SLC22A24: variants seen among roughly 807,000 people sequenced by gnomAD.
The protein encoded by SLC22A24 is solute carrier family 22 member 24.
In SLC22A24, 53 loss-of-function variants were observed where a neutral mutation model predicts 49.8. That is an observed-to-expected ratio of 1.06 (90% CI 0.85 to 1.34). The LOEUF is 1.34. Among genes scored for constraint, SLC22A24 ranks in the 40% most tolerant of loss-of-function variants. SLC22A24 has a pLI of 0.00. For missense variants in SLC22A24, 786 were observed against 675.9 expected, an observed-to-expected ratio of 1.16 and a Z score of -1.81; for synonymous variants, 302 against 256.4, an observed-to-expected ratio of 1.18 and a Z score of -1.70.
At chr11:63,140,055 G>A (rs1194561327) in intron 1 of SLC22A24, among the ~76,000 whole-genome samples, 2 of 149,314 alleles carry the variant, frequency 1.3e-5, no homozygotes, top group Non-Finnish European at 1.5e-5. Flanking sequence ...TGGAAATAGA[G>A]ACAGTTTTTT....
intron 5 of SLC22A24, among the ~76,000 whole-genome samples, chr11:63,096,913 T>C (rs7120661): frequency 0.76 from 115,709 of 152,084 alleles, 44,784 homozygotes; most frequent in East Asian, 0.9. Context: ...GAATTTAGCG[T>C]TTCTTTCATA....
intron 2 of SLC22A24, among the ~76,000 whole-genome samples, chr11:63,123,771 C>G (rs1050376488): frequency 6.6e-6 from 1 of 152,168 alleles, no homozygotes; most frequent in Non-Finnish European, 1.5e-5. Flanking sequence ...CTCTTATTGT[C>G]TCTACCTCTA....
chr11:63,142,446 C>T (rs1307039424), intron 1 of SLC22A24, among the ~76,000 whole-genome samples: 5 of 152,180 alleles, frequency 3.3e-5, no homozygotes, highest in Admixed American at 1.3e-4. Context: ...CTTGTGCATT[C>T]CTGGGCATAG....
chr11:63,111,926 T>C (rs1404586760), intron 4 of SLC22A24, among the ~76,000 whole-genome samples: 2 of 151,976 alleles, frequency 1.3e-5, no homozygotes, highest in African/African-American at 4.8e-5. Flanking sequence ...TTTCTAGTTC[T>C]TTTAATTGTG....
chr11:63,120,561 T>C (rs1344180613), intron 2 of SLC22A24, among the ~76,000 whole-genome samples: 1 of 151,664 alleles, frequency 6.6e-6, no homozygotes, highest in Non-Finnish European at 1.5e-5. Context: ...AGGCAGAGAA[T>C]GAGAAACAAA....
intron 2 of SLC22A24, among the ~76,000 whole-genome samples, chr11:63,120,458 A>C (rs1418894279): frequency 6.6e-6 from 1 of 152,074 alleles, no homozygotes; most frequent in African/African-American, 2.4e-5. Context: ...TATAATAAAA[A>C]ATAAATAAAA....
chr11:63,136,049 G>T (rs2087371991), intron 1 of SLC22A24, among the ~76,000 whole-genome samples: 1 of 152,168 alleles, frequency 6.6e-6, no homozygotes, highest in Non-Finnish European at 1.5e-5. Context: ...TCGATAAGTG[G>T]GTGCCTCATG....
At chr11:63,093,911 A>G (rs2087035945) in intron 6 of SLC22A24, among the ~76,000 whole-genome samples, 1 of 152,142 alleles carries the variant, frequency 6.6e-6, no homozygotes. Context: ...CATTGGAATT[A>G]TGAACTTAAA....
chr11:63,116,343 G>C, intron 4 of SLC22A24: 1 of 202,226 alleles, frequency 4.9e-6, no homozygotes, highest in Non-Finnish European at 1.0e-5. Context: ...GGTTATGTCT[G>C]CACCTTAAGC....
intron 2 of SLC22A24, among the ~76,000 whole-genome samples, chr11:63,126,257 G>GCCT (rs2087290011): frequency 6.6e-6 from 1 of 152,140 alleles, no homozygotes; most frequent in Non-Finnish European, 1.5e-5. Context: ...GAATGGTATT[G>GCCT]ACTAGGTTTT....
At chr11:63,115,903 G>C (rs947126598) in intron 4 of SLC22A24, 3 of 292,466 alleles carry the variant, frequency 1.0e-5, no homozygotes, top group South Asian at 9.1e-5. Flanking sequence ...GTAGGGGCTT[G>C]GGCACCTTTG....
intron 2 of SLC22A24, among the ~76,000 whole-genome samples, chr11:63,132,389 C>T (rs985331965): frequency 6.6e-6 from 1 of 152,170 alleles, no homozygotes; most frequent in Middle Eastern, 3.2e-3. Context: ...TTCCACTTTT[C>T]TGCTCTGGTT....
At chr11:63,111,129 C>G (rs1241229270) in intron 4 of SLC22A24, among the ~76,000 whole-genome samples, 2 of 151,858 alleles carry the variant, frequency 1.3e-5, no homozygotes, top group African/African-American at 4.8e-5. Context: ...GTCTTTGGTT[C>G]TTTTTATATG....
intron 6 of SLC22A24, among the ~76,000 whole-genome samples, chr11:63,094,513 G>T (rs993236883): frequency 2.0e-5 from 3 of 152,110 alleles, no homozygotes; most frequent in South Asian, 2.1e-4. Context: ...GGATGGCTGG[G>T]TCGACTGGTA....
chr11:63,143,696 G>A lies in SLC22A24; in HGVS notation c.84C>T (p.Asn28=). ...ICLIAFFCIT[N]ILLFPNIVLE... ...ACACAATATTAGGGAACAGTAGGAT[G>A]TTGGTGATGCAAAAGAAAGCTATCA... Residue 28 remains asparagine (N), a synonymous_variant, in exon 1 of 10, where the codon AAC becomes AAT. Transcript: ENST00000612278. The A allele has an allele frequency of 1.9e-6, 3 of 1,569,314 alleles. No individual in the cohort carries two copies. The highest frequency in any genetic ancestry group is 2.6e-6 in the Non-Finnish European group (3 of 1,159,676).
intron 1 of SLC22A24, among the ~76,000 whole-genome samples, chr11:63,138,092 G>A (rs779715599): frequency 5.9e-5 from 9 of 152,282 alleles, no homozygotes; most frequent in East Asian, 1.9e-4. Context: ...AGGATAGAAC[G>A]TGGGTTTAGG....
chr11:63,081,501 A>G, intron 8 of SLC22A24, 57 bp downstream of exon 8: 1 of 1,176,174 alleles, frequency 8.5e-7, no homozygotes, highest in Non-Finnish European at 1.2e-6. Context: ...TTCACAATGA[A>G]TATCAATAAA....
intron 4 of SLC22A24, among the ~76,000 whole-genome samples, chr11:63,111,658 TG>T (rs1463892971): frequency 6.6e-6 from 1 of 150,658 alleles, no homozygotes; most frequent in Non-Finnish European, 1.5e-5. Context: ...TAGTATTCTC[TG>T]ATGGTAGTTT....
chr11:63,132,359 G>C (rs957523515), intron 2 of SLC22A24, among the ~76,000 whole-genome samples: 9 of 152,096 alleles, frequency 5.9e-5, no homozygotes, highest in African/African-American at 2.2e-4. Context: ...AGGAGAAGAG[G>C]CACTCTGGTT....
Sources: gnomAD v4.1 joint callset for allele counts (sites outside exome capture counted in the v4.1 genomes callset) on GRCh38, gnomAD v4.1.1 for gene constraint, MANE v1.5 for transcripts, NCBI Gene and HGNC (gene_info 2026-07-23, HGNC 2026-07-21) for gene names.